Variants in TRIQK observed in about 807,000 individuals in gnomAD.
The protein encoded by TRIQK is triple QxxK/R motif containing, also known as triple QxxK/R motif-containing protein.
In TRIQK, 10 loss-of-function variants were observed where a neutral mutation model predicts 10.8. The observed-to-expected ratio is 0.92, with a 90% confidence interval of 0.57 to 1.57. The LOEUF is 1.57. TRIQK is among the 40% of genes most tolerant of loss of function. The pLI is 0.00. For missense variants in TRIQK, 107 were observed against 97.7 expected, an observed-to-expected ratio of 1.09 and a Z score of -0.40; for synonymous variants, 33 against 33.7, an observed-to-expected ratio of 0.98 and a Z score of 0.07.
intron 3 of TRIQK, among the ~76,000 whole-genome samples, chr8:92,913,780 T>C (rs1202206927): frequency 6.6e-6 from 1 of 152,192 alleles, no homozygotes; most frequent in African/African-American, 2.4e-5. Context: ...CATGGAATAC[T>C]ATGCAGCCAT....
At chr8:92,987,067 G>A (rs1813040301) in intron 1 of TRIQK, among the ~76,000 whole-genome samples, 1 of 152,134 alleles carries the variant, frequency 6.6e-6, no homozygotes, top group Non-Finnish European at 1.5e-5. Context: ...AATGTAAATT[G>A]TCTTTCAGAA....
At chr8:92,997,222 C>T (rs1467793553) in intron 1 of TRIQK, among the ~76,000 whole-genome samples, 1 of 151,970 alleles carries the variant, frequency 6.6e-6, no homozygotes, top group Non-Finnish European at 1.5e-5. Context: ...TGGTGGGCAC[C>T]AGGCACAATA....
chr8:92,905,327 TAAC>T (rs1809195596), intron 3 of TRIQK, among the ~76,000 whole-genome samples: 1 of 152,144 alleles, frequency 6.6e-6, no homozygotes. Context: ...GCAAATTTTA[TAAC>T]AATATATACA....
At chr8:93,009,000 A>G (rs1563456384) in intron 1 of TRIQK, among the ~76,000 whole-genome samples, 1 of 152,242 alleles carries the variant, frequency 6.6e-6, no homozygotes, top group Non-Finnish European at 1.5e-5. Context: ...GCTTCTGCAC[A>G]GAAAAGGGAG....
At position 92,998,880 on chromosome 8, in the gene TRIQK, C is replaced by T. The variant is rs546858736; in HGVS notation, c.-181+18729G>A. 7.9e-5 allele frequency among the ~76,000 whole-genome samples: 12 copies of T among 152,084 alleles called. No individual in the cohort carries two copies. The South Asian group carries it at 2.5e-3, about 31-fold the overall frequency. On this transcript the variant is annotated intron_variant, in intron 1 of 4. Coordinates refer to the TRIQK transcript ENST00000520686. ...CTCTGGGAGCAACAAAGAAAGAACA[C>T]TTCAGAGGTTAGGGAATGATTTACA...
chr8:92,909,944 C>T (rs752371972), intron 3 of TRIQK, among the ~76,000 whole-genome samples: 15 of 151,468 alleles, frequency 9.9e-5, no homozygotes, highest in East Asian at 1.9e-4. Context: ...AATTAAACAA[C>T]GACATGTTTC....
chr8:92,969,996 A>G (rs553847788), upstream of TRIQK, among the ~76,000 whole-genome samples: 1 of 152,092 alleles, frequency 6.6e-6, no homozygotes, highest in Non-Finnish European at 1.5e-5. Context: ...CCCTGTGTCC[A>G]TGTGTTCTCA....
At chr8:92,933,120 A>G (rs1157102464) in intron 2 of TRIQK, among the ~76,000 whole-genome samples, 3 of 152,088 alleles carry the variant, frequency 2.0e-5, no homozygotes, top group Non-Finnish European at 4.4e-5. Context: ...TAGGAAATAT[A>G]TGTATTGGTG....
upstream of TRIQK, among the ~76,000 whole-genome samples, chr8:92,969,174 A>G (rs752331399): frequency 1.4e-4 from 22 of 152,080 alleles, no homozygotes; most frequent in Non-Finnish European, 2.9e-4. Context: ...CTGTTTTGGT[A>G]CCAGTACCAT....
chr8:92,970,205 T>G (rs1812860178), upstream of TRIQK, among the ~76,000 whole-genome samples: 1 of 152,220 alleles, frequency 6.6e-6, no homozygotes, highest in African/African-American at 2.4e-5. Context: ...GATGGGCATT[T>G]GGGTTGATTC....
intron 1 of TRIQK, among the ~76,000 whole-genome samples, chr8:92,993,126 C>G (rs1813114438): frequency 6.6e-6 from 1 of 152,168 alleles, no homozygotes; most frequent in Non-Finnish European, 1.5e-5. Flanking sequence ...GCTGTTACAT[C>G]ATTGGTAAGG....
Position 92,883,580 on chromosome 8 carries a change from T to C in TRIQK, c.*3042A>G, listed in dbSNP as rs1002831269. ...TTTATTGATTAAATTCAAACTTTTT[T>C]ATCATTTACACAAAGAAACTGTGAC... is the stretch of plus-strand genomic sequence containing the variant. On this transcript the variant is annotated 3_prime_UTR_variant, in exon 5 of 5. Transcript: ENST00000521988. The C allele has an allele frequency of 1.3e-5, 2 of 151,752 alleles. No individual in the cohort carries two copies. Among genetic ancestry groups the C allele is most frequent in the African/African-American group, 4.8e-5 (2 of 41,374 alleles). The allele number at this position is 151,752 out of a possible 1,614,324, so 9.4% of individuals were successfully genotyped here.
At chr8:92,982,725 T>C (rs1812998919) in intron 1 of TRIQK, among the ~76,000 whole-genome samples, 1 of 152,082 alleles carries the variant, frequency 6.6e-6, no homozygotes, top group Admixed American at 6.6e-5. Context: ...TATATTCTTT[T>C]TATATGCAAC....
At chr8:93,012,097 A>C (rs950331877) in intron 1 of TRIQK, among the ~76,000 whole-genome samples, 1 of 152,210 alleles carries the variant, frequency 6.6e-6, no homozygotes, top group Non-Finnish European at 1.5e-5. Context: ...TAAAAAGCCA[A>C]GGGAATAAAT....
chr8:92,983,778 G>A (rs1289268235), intron 1 of TRIQK, among the ~76,000 whole-genome samples: 2 of 151,970 alleles, frequency 1.3e-5, no homozygotes, highest in Admixed American at 1.3e-4. Context: ...GCCAGGATAA[G>A]GGGCGAGAGT....
At chr8:92,898,831 GTGTATA>G (rs1271730000) in intron 3 of TRIQK, among the ~76,000 whole-genome samples, 12 of 66,870 alleles carry the variant, frequency 1.8e-4, no homozygotes, top group Non-Finnish European at 2.5e-4. Flanking sequence ...AGGTGTGTGT[GTGTATA>G]TATATATATA....
rs146714654 is a variant in TRIQK at position 92,893,334 on chromosome 8, T to C, written c.62-1260A>G. Among the ~76,000 whole-genome samples the C allele has an allele frequency of 3.9e-5, 6 of 152,008 alleles. No homozygotes were observed. The East Asian group carries it at 7.7e-4, about 20-fold the overall frequency. ...TTTATGTCCATTAGACACATAAAAG[T>C]GTTTGTTTGGCTGGAAAGCAAGGTA... On this transcript the variant is annotated intron_variant, in intron 3 of 4. Coordinates refer to ENST00000521988, the MANE Select transcript of TRIQK (RefSeq NM_001171797.2).
intron 1 of TRIQK, among the ~76,000 whole-genome samples, chr8:92,971,355 GTC>G (rs1812875794): frequency 6.6e-6 from 1 of 152,068 alleles, no homozygotes; most frequent in Non-Finnish European, 1.5e-5. Flanking sequence ...AAGTCAAACT[GTC>G]TCTGTTTGCA....
intron 2 of TRIQK, among the ~76,000 whole-genome samples, chr8:92,939,834 C>A (rs566069516): frequency 4.6e-5 from 7 of 152,306 alleles, no homozygotes; most frequent in African/African-American, 1.4e-4. Flanking sequence ...GGGAAGCAAA[C>A]CCTCATCATG....
Sources: allele counts gnomAD v4.1 joint callset (sites outside exome capture counted in the v4.1 genomes callset), GRCh38; gene constraint gnomAD v4.1.1; transcripts MANE v1.5; gene names NCBI Gene and HGNC (gene_info 2026-07-23, HGNC 2026-07-21).